PCDHGA4: variants seen among roughly 807,000 people sequenced by gnomAD.
PCDHGA4 encodes protocadherin gamma subfamily A, 4.
In PCDHGA4, 38 loss-of-function variants were observed where a neutral mutation model predicts 54.6. The ratio of observed to expected loss-of-function variants is 0.70; its 90% CI spans 0.54 to 0.91. The LOEUF is 0.91. Ranked by LOEUF, PCDHGA4 falls within the 40% of genes least tolerant of loss-of-function variation. PCDHGA4 has a pLI of 0.00. For synonymous variants in PCDHGA4, 511 were observed against 512.9 expected, an observed-to-expected ratio of 1.00 and a Z score of 0.05; for missense variants, 1,298 against 1,220.9, an observed-to-expected ratio of 1.06 and a Z score of -0.94.
chr5:141,476,179 T>C lies in PCDHGA4; in HGVS notation c.2515-18628T>C, dbSNP rs1283155400. 26 of 1,613,476 alleles carry C rather than the reference T, an allele frequency of 1.6e-5. No homozygotes were observed. The highest frequency in any genetic ancestry group is 2.0e-5 in the Non-Finnish European group (24 of 1,179,998). On this transcript the variant is annotated intron_variant, in intron 1 of 3. Transcript: ENST00000571252. This position sits in a 1 kb window ranked among gnomAD's most constrained non-coding sequence, Gnocchi z 7.6. Reference sequence around the variant, plus strand: ...CCGGGAGGGTAGTGGGAGTTTTGCTTCTGCTTGGTGCCTTGAACAAGGCTT... The same window carrying C: ...CCGGGAGGGTAGTGGGAGTTTTGCTCCTGCTTGGTGCCTTGAACAAGGCTT...
chr5:141,365,766 C>A (rs6882138), intron 1 of PCDHGA4: 12 of 1,613,778 alleles, frequency 7.4e-6, no homozygotes, highest in Non-Finnish European at 9.3e-6. Flanking sequence ...GCCCATGACC[C>A]CGACAGCGGC....
chr5:141,445,388 A>G (rs2098465525), intron 1 of PCDHGA4, among the ~76,000 whole-genome samples: 2 of 152,212 alleles, frequency 1.3e-5, no homozygotes, highest in African/African-American at 4.8e-5. Flanking sequence ...TCATTCATTT[A>G]CATAACAAAT....
chr5:141,369,246 A>G (rs1035336537), intron 1 of PCDHGA4, among the ~76,000 whole-genome samples: 3 of 152,210 alleles, frequency 2.0e-5, no homozygotes, highest in Non-Finnish European at 4.4e-5. Flanking sequence ...TTATATAATT[A>G]AATAATATAA....
intron 1 of PCDHGA4, among the ~76,000 whole-genome samples, chr5:141,443,720 T>G (rs1349609652): frequency 2.6e-5 from 4 of 152,156 alleles, no homozygotes; most frequent in Non-Finnish European, 5.9e-5. Flanking sequence ...CATATAAAAT[T>G]CCTCATACAT....
chr5:141,365,825 G>C (rs772088278), intron 1 of PCDHGA4: 1 of 1,613,942 alleles, frequency 6.2e-7, no homozygotes, highest in African/African-American at 1.3e-5. Flanking sequence ...ATTTCAGGGG[G>C]CGCCCTTGTC....
Position 141,490,703 on chromosome 5 carries a change from G to GCCT in PCDHGA4, c.2515-4102_2515-4100dup. 6.2e-7 allele frequency: 1 copy of GCCT among 1,614,110 alleles called. No individual in the cohort carries two copies. The highest frequency in any genetic ancestry group is 8.5e-7 in the Non-Finnish European group (1 of 1,180,000). Reference sequence around the variant, plus strand: ...GATCCAGACACTGGGGATAATGCCCGCCTCACCTACTCCATTGTAGGAAAT... The same window carrying GCCT: ...GATCCAGACACTGGGGATAATGCCCGCCTCCTCACCTACTCCATTGTAGGAAAT... On this transcript the variant is annotated intron_variant, in intron 1 of 3. Transcript: ENST00000571252. This position sits in a 1 kb window ranked among gnomAD's most constrained non-coding sequence, Gnocchi z 5.4.
rs369964221 is a variant in PCDHGA4 at position 141,366,213 on chromosome 5, C to G, written c.2514+8592C>G. On this transcript the variant is annotated intron_variant, in intron 1 of 3. Coordinates refer to ENST00000571252, the MANE Select transcript of PCDHGA4 (RefSeq NM_018917.4). ...GGGCTGCACACGGGCGAGGTGCGCA[C>G]AGCGCGAGCCCTGCTGGACAGAGAC... 2.5e-6 allele frequency: 4 copies of G among 1,613,692 alleles called. No individual in the cohort carries two copies. The African/African-American group carries it at 4.0e-5, about 16-fold the overall frequency.
intron 1 of PCDHGA4, chr5:141,394,972 A>T (rs766374618): frequency 1.7e-5 from 28 of 1,613,900 alleles, no homozygotes; most frequent in Non-Finnish European, 2.3e-5. Flanking sequence ...AGGCGCTGGC[A>T]CAAGTCACGC....
At chr5:141,457,750 C>G (rs900052683) in intron 1 of PCDHGA4, among the ~76,000 whole-genome samples, 4 of 152,188 alleles carry the variant, frequency 2.6e-5, no homozygotes, top group African/African-American at 9.6e-5. Flanking sequence ...AAGCTGAGCC[C>G]AGACATGGGT....
intron 1 of PCDHGA4, chr5:141,475,926 G>C: frequency 4.8e-6 from 3 of 619,440 alleles, no homozygotes; most frequent in East Asian, 2.9e-5. Context: ...GCTGGAGATC[G>C]GGCCCCTGCC....
chr5:141,433,305 C>A, intron 1 of PCDHGA4: 1 of 931,030 alleles, frequency 1.1e-6, no homozygotes, highest in Non-Finnish European at 1.6e-6. Context: ...GCAATTATCC[C>A]ACCTTTGCCT....
intron 1 of PCDHGA4, chr5:141,365,455 T>G: frequency 1.2e-6 from 2 of 1,614,042 alleles, no homozygotes; most frequent in Non-Finnish European, 1.7e-6. Context: ...ATGATGGTGA[T>G]TCTGGAGAAA....
chr5:141,431,604 G>C lies in PCDHGA4; in HGVS notation c.2515-63203G>C. 1 of 1,614,206 alleles carries C rather than the reference G, an allele frequency of 6.2e-7. No individual in the cohort carries two copies. Among genetic ancestry groups the C allele is most frequent in the South Asian group, 1.1e-5 (1 of 91,088 alleles). On this transcript the variant is annotated intron_variant, in intron 1 of 3. Coordinates refer to ENST00000571252, the MANE Select transcript of PCDHGA4 (RefSeq NM_018917.4). The surrounding 1 kb of genome is among the most constrained non-coding windows in gnomAD (Gnocchi z 4.8). ...AATGCGGAAGTGAGGTATTCCTTCC[G>C]GTATGTGGACGACAAGGCGGCCCAA...
intron 1 of PCDHGA4, among the ~76,000 whole-genome samples, chr5:141,373,166 C>G (rs1478798062): frequency 6.6e-6 from 1 of 152,196 alleles, no homozygotes; most frequent in African/African-American, 2.4e-5. Context: ...TTAATGCAGT[C>G]AATCCTAAAA....
At chr5:141,507,443 G>A (rs2099860678) in intron 3 of PCDHGA4, among the ~76,000 whole-genome samples, 2 of 152,200 alleles carry the variant, frequency 1.3e-5, no homozygotes. Flanking sequence ...TACAGCTGAC[G>A]GAAGGACAGA....
At chr5:141,410,419 T>TC (rs769125626) in intron 1 of PCDHGA4, 49 of 1,613,886 alleles carry the variant, frequency 3.0e-5, no homozygotes, top group Non-Finnish European at 3.6e-5. Context: ...GACCTGTAGT[T>TC]CCCCCCAACT....
In PCDHGA4 at chr5:141,420,274, GGTAA is replaced by G. The variant is rs1362175190; in HGVS notation, c.2514+62657_2514+62660del. 5.9e-6 allele frequency: 9 copies of G among 1,525,426 alleles called. 1 individual carries two copies. The highest frequency in any genetic ancestry group is 2.1e-5 in the Admixed American group (1 of 48,284). 94.5% of individuals were successfully genotyped at this position (1,525,426 alleles called of 1,614,324 possible). On this transcript the variant is annotated intron_variant, in intron 1 of 3. Coordinates refer to ENST00000571252, the MANE Select transcript of PCDHGA4 (RefSeq NM_018917.4). ...AAGCAGATAAGAAGATTCTTAAACAGGTAAGTATTTAAAAATGTATTTAATCCTT... is the reference window on the plus strand; with the variant it reads ...AAGCAGATAAGAAGATTCTTAAACAGGTATTTAAAAATGTATTTAATCCTT...
chr5:141,389,990 C>T (rs2091998485), intron 1 of PCDHGA4: 3 of 1,614,044 alleles, frequency 1.9e-6, no homozygotes, highest in Non-Finnish European at 8.5e-7. Context: ...TGCTCTTCCT[C>T]GTGGCCATGA....
At chr5:141,374,600 A>T (rs1770639456) in intron 1 of PCDHGA4, 1 of 1,613,658 alleles carries the variant, frequency 6.2e-7, no homozygotes, top group Admixed American at 1.7e-5. Flanking sequence ...ATTTAAGCTC[A>T]GTGGTAATAG....
Sources: gnomAD v4.1 joint callset for allele counts (sites outside exome capture counted in the v4.1 genomes callset) on GRCh38, gnomAD v4.1.1 for gene constraint, Gnocchi (gnomAD v3.1) non-coding constraint, MANE v1.5 for transcripts, NCBI Gene and HGNC (gene_info 2026-07-23, HGNC 2026-07-21) for gene names.